Variants in ACTR3 observed in about 807,000 individuals in gnomAD.
The protein encoded by ACTR3 is actin-related protein 3.
Under a neutral mutation model 56.8 loss-of-function variants are expected in ACTR3, and 12 were observed. The ratio of observed to expected loss-of-function variants is 0.21; its 90% CI spans 0.14 to 0.34. The LOEUF is 0.34. ACTR3 is among the 10% of genes least tolerant of loss of function. The pLI, the probability that ACTR3 is intolerant of heterozygous loss-of-function variation, is 1.00. For missense variants in ACTR3, 282 were observed against 512.5 expected, an observed-to-expected ratio of 0.55 and a Z score of 4.34; for synonymous variants, 162 against 167.4, an observed-to-expected ratio of 0.97 and a Z score of 0.25.
At chr2:113,927,025 A>C (rs927235546) in intron 3 of ACTR3, among the ~76,000 whole-genome samples, 3 of 152,236 alleles carry the variant, frequency 2.0e-5, no homozygotes, top group East Asian at 3.8e-4. Flanking sequence ...TAATTTTTGT[A>C]GGCTAACTTA....
chr2:113,934,412 C>T (rs774055603), intron 6 of ACTR3, 26 bp downstream of exon 6: 1 of 1,401,838 alleles, frequency 7.1e-7, no homozygotes, highest in Admixed American at 2.3e-5. Flanking sequence ...AGTTACTGAA[C>T]AGAACATGAA....
At chr2:113,936,348 T>TG (rs1679826717) in intron 6 of ACTR3, among the ~76,000 whole-genome samples, 5 of 150,382 alleles carry the variant, frequency 3.3e-5, no homozygotes, top group African/African-American at 1.2e-4. Context: ...GTGCTATTCC[T>TG]TTTTATTGTT....
intron 6 of ACTR3, among the ~76,000 whole-genome samples, chr2:113,937,881 A>G (rs1679856131): frequency 6.6e-6 from 1 of 151,992 alleles, no homozygotes; most frequent in African/African-American, 2.4e-5. Flanking sequence ...TATAGTTTGT[A>G]ATTTTCATCA....
At chr2:113,939,172 C>T (rs1297228530) in intron 6 of ACTR3, among the ~76,000 whole-genome samples, 5 of 151,802 alleles carry the variant, frequency 3.3e-5, no homozygotes, top group African/African-American at 1.2e-4. Context: ...TACAGGCGCG[C>T]GCCACCATGC....
At chr2:113,921,845 C>G (rs58436922) in intron 3 of ACTR3, among the ~76,000 whole-genome samples, 4,779 of 152,200 alleles carry the variant, frequency 0.031, 256 homozygotes, top group African/African-American at 0.11. Context: ...CAGAAAGTGT[C>G]AGTTACCTTA....
intron 8 of ACTR3, among the ~76,000 whole-genome samples, chr2:113,946,672 A>G (rs933914932): frequency 3.9e-5 from 6 of 152,090 alleles, no homozygotes; most frequent in Admixed American, 2.0e-4. Flanking sequence ...TACTCTGCTG[A>G]TAGTTTCTTT....
At chr2:113,950,333 G>A (rs1309517500) in intron 8 of ACTR3, among the ~76,000 whole-genome samples, 1 of 152,142 alleles carries the variant, frequency 6.6e-6, no homozygotes. Flanking sequence ...TTTAAATAAT[G>A]AAATCACTAA....
chr2:113,929,714 T>TC (rs1346453606), intron 4 of ACTR3, among the ~76,000 whole-genome samples: 1 of 152,092 alleles, frequency 6.6e-6, no homozygotes, highest in South Asian at 2.1e-4. Context: ...TCTTGCTCTG[T>TC]CACCCAGGCT....
Position 113,916,191 on chromosome 2 carries a change from GCATT to G in ACTR3, c.101-690_101-687del, listed in dbSNP as rs1679401641. Among the ~76,000 whole-genome samples the G allele has an allele frequency of 1.3e-5, 2 of 152,112 alleles. 1 individual carries two copies. Among genetic ancestry groups the G allele is most frequent in the South Asian group, 4.1e-4 (2 of 4,834 alleles). On this transcript the variant is annotated intron_variant, in intron 2 of 11. Coordinates refer to ENST00000263238, the MANE Select transcript of ACTR3 (RefSeq NM_005721.5). ...AGTTGAATGCCAGATCAGTTTAAGT[GCATT>G]CAGACAATTATTTTGAATGAAGAAC...
chr2:113,926,878 A>T (rs1165416470), intron 3 of ACTR3, among the ~76,000 whole-genome samples: 1 of 149,950 alleles, frequency 6.7e-6, no homozygotes, highest in Non-Finnish European at 1.5e-5. Context: ...ATAACATTTT[A>T]TGTGCTTGAT....
chr2:113,903,525 T>G (rs1440154165), intron 1 of ACTR3, among the ~76,000 whole-genome samples: 1 of 148,876 alleles, frequency 6.7e-6, no homozygotes, highest in African/African-American at 2.5e-5. Flanking sequence ...ACCACCATGC[T>G]CTGCTAATTG....
intron 4 of ACTR3, 77 bp from the exon 5 acceptor site, chr2:113,931,217 AAATTACT>A: frequency 1.3e-6 from 1 of 759,982 alleles, no homozygotes; most frequent in Non-Finnish European, 2.0e-6. Flanking sequence ...TGTTTGAAAT[AAATTACT>A]TCTCATTTAA....
At chr2:113,945,161 GT>G in intron 8 of ACTR3, among the ~76,000 whole-genome samples, 1 of 152,240 alleles carries the variant, frequency 6.6e-6, no homozygotes, top group Non-Finnish European at 1.5e-5. Context: ...GAGTGTGAAG[GT>G]TTTTGGTGGT....
intron 1 of ACTR3, among the ~76,000 whole-genome samples, chr2:113,911,812 C>T (rs1428576754): frequency 6.6e-6 from 1 of 151,704 alleles, no homozygotes; most frequent in African/African-American, 2.4e-5. Flanking sequence ...TCTCGGCTCA[C>T]TGCAACCTCC....
chr2:113,920,251 T>C (rs187085858), intron 3 of ACTR3, among the ~76,000 whole-genome samples: 2 of 152,170 alleles, frequency 1.3e-5, no homozygotes, highest in East Asian at 3.9e-4. Flanking sequence ...AGAGACAGGG[T>C]CTCCTTCTGT....
At chr2:113,923,489 C>A (rs1679557829) in intron 3 of ACTR3, among the ~76,000 whole-genome samples, 1 of 152,098 alleles carries the variant, frequency 6.6e-6, no homozygotes, top group Non-Finnish European at 1.5e-5. Flanking sequence ...GCGCCCACCA[C>A]CGTGCCCGGC....
intron 1 of ACTR3, among the ~76,000 whole-genome samples, chr2:113,894,820 G>A (rs1240206522): frequency 6.6e-6 from 1 of 152,134 alleles, no homozygotes; most frequent in East Asian, 1.9e-4. Context: ...CCGTCTACCT[G>A]GCAGGTGGTT....
intron 3 of ACTR3, among the ~76,000 whole-genome samples, chr2:113,921,980 T>TA (rs1228589512): frequency 6.6e-6 from 1 of 152,168 alleles, no homozygotes; most frequent in Admixed American, 6.5e-5. Context: ...CATGGGTAGA[T>TA]ATGTAGAGGT....
intron 1 of ACTR3, chr2:113,890,686 C>T (rs1165864139): frequency 4.2e-5 from 48 of 1,144,736 alleles, no homozygotes; most frequent in Non-Finnish European, 5.2e-5. Context: ...TTTCCTTTCC[C>T]TCCGCGCCCG....
Sources: allele counts gnomAD v4.1 joint callset (sites outside exome capture counted in the v4.1 genomes callset), GRCh38; gene constraint gnomAD v4.1.1; transcripts MANE v1.5; gene names NCBI Gene and HGNC (gene_info 2026-07-23, HGNC 2026-07-21).